CDH3: variants seen among roughly 807,000 people sequenced by gnomAD.
The protein encoded by CDH3 is cadherin 3.
Under a neutral mutation model 82.0 loss-of-function variants are expected in CDH3, and 54 were observed. That is an observed-to-expected ratio of 0.66 (90% CI 0.53 to 0.83). The LOEUF (loss-of-function observed/expected upper bound fraction) is 0.83. CDH3 is among the 40% of genes least tolerant of loss of function. CDH3 has a pLI of 0.00. For synonymous variants in CDH3, 446 were observed against 437.9 expected, an observed-to-expected ratio of 1.02 and a Z score of -0.23; for missense variants, 1,054 against 1,084.6, an observed-to-expected ratio of 0.97 and a Z score of 0.40.
chr16:68,696,148 C>T (rs574937230), intron 15 of CDH3: 29 of 571,928 alleles, frequency 5.1e-5, no homozygotes, highest in Admixed American at 3.3e-4. Context: ...GGGCTGGGCA[C>T]GGTGCCTCAC....
chr16:68,702,581 G>A (rs1961910212), downstream of CDH3, among the ~76,000 whole-genome samples: 1 of 152,096 alleles, frequency 6.6e-6, no homozygotes, highest in Non-Finnish European at 1.5e-5. Context: ...GAAAAGTGGA[G>A]CTTTGGCCAG....
chr16:68,670,421 G>C (rs567057247), intron 2 of CDH3, among the ~76,000 whole-genome samples: 2 of 151,920 alleles, frequency 1.3e-5, no homozygotes, highest in African/African-American at 4.8e-5. Context: ...TAAATGGTGG[G>C]TAATGGTCTG....
At chr16:68,685,125 G>T (rs992834545) in intron 10 of CDH3, 80 bp from the exon 11 acceptor site, 3 of 1,524,378 alleles carry the variant, frequency 2.0e-6, no homozygotes, top group Non-Finnish European at 2.7e-6. Flanking sequence ...CCATCTGCCA[G>T]TTGGTATGAG....
At chr16:68,677,061 ATG>A (rs1344148728) in intron 3 of CDH3, among the ~76,000 whole-genome samples, 2 of 152,170 alleles carry the variant, frequency 1.3e-5, no homozygotes, top group African/African-American at 4.8e-5. Flanking sequence ...CTATACTTAC[ATG>A]TGTTACATAT....
intron 3 of CDH3, among the ~76,000 whole-genome samples, chr16:68,677,725 G>C (rs577004385): frequency 1.3e-5 from 2 of 152,276 alleles, no homozygotes; most frequent in South Asian, 4.1e-4. Flanking sequence ...GTGGCAGAGC[G>C]AGACTCCGTC....
rs780889347 is a variant in CDH3 at position 68,645,627 on chromosome 16, C to A, written c.46-9C>A. On this transcript the variant is annotated splice_polypyrimidine_tract_variant and intron_variant, in intron 1 of 15. Coordinates refer to ENST00000264012, the MANE Select transcript of CDH3 (RefSeq NM_001793.6). ...CCCAGCCTCCTTCACTCTCTGCCCT[C>A]GGGCGCAGGTTTGCTGGCTGCAGTG... is the stretch of plus-strand genomic sequence containing the variant. 7 of 1,539,730 alleles carry A rather than the reference C, an allele frequency of 4.5e-6. No homozygotes were observed. In the African/African-American group the frequency reaches 8.2e-5, roughly 18 times the overall value.
At chr16:68,670,988 G>A (rs193192433) in intron 2 of CDH3, among the ~76,000 whole-genome samples, 5 of 152,198 alleles carry the variant, frequency 3.3e-5, no homozygotes, top group Middle Eastern at 3.4e-3. Context: ...CAAGAGAATC[G>A]CTTGAGCCCG....
intron 2 of CDH3, among the ~76,000 whole-genome samples, chr16:68,671,375 T>C (rs1440276575): frequency 2.0e-5 from 3 of 152,090 alleles, no homozygotes; most frequent in African/African-American, 4.8e-5. Context: ...TATTTTCTTA[T>C]AGTTCTGGCT....
intron 2 of CDH3, among the ~76,000 whole-genome samples, chr16:68,662,827 T>TGAGCCC (rs1181746768): frequency 1.3e-5 from 2 of 149,336 alleles, no homozygotes; most frequent in Non-Finnish European, 3.0e-5. Context: ...ATTACAGGTG[T>TGAGCCC]GAGCCACCGT....
downstream of CDH3, among the ~76,000 whole-genome samples, chr16:68,703,238 A>G (rs1365074630): frequency 6.6e-6 from 1 of 152,090 alleles, no homozygotes; most frequent in Non-Finnish European, 1.5e-5. Context: ...GCATGCTCTC[A>G]TTCCTAGACA....
chr16:68,671,613 C>T (rs1960886034), intron 2 of CDH3, among the ~76,000 whole-genome samples: 1 of 149,774 alleles, frequency 6.7e-6, no homozygotes, highest in Non-Finnish European at 1.5e-5. Context: ...CCTCTGTCTC[C>T]TGGGTTCAAG....
chr16:68,688,436 A>C (rs1961476926), intron 12 of CDH3, among the ~76,000 whole-genome samples: 1 of 151,936 alleles, frequency 6.6e-6, no homozygotes, highest in Non-Finnish European at 1.5e-5. Flanking sequence ...AAAAATACAA[A>C]AATTAGCCAG....
At chr16:68,719,043 G>A (rs561485436) in intron 1 of CDH3, among the ~76,000 whole-genome samples, 1 of 152,152 alleles carries the variant, frequency 6.6e-6, no homozygotes, top group East Asian at 1.9e-4. Flanking sequence ...AGCAGTTCAA[G>A]ACCAGCCTAG....
At chr16:68,664,546 C>T (rs1960684106) in intron 2 of CDH3, among the ~76,000 whole-genome samples, 1 of 152,154 alleles carries the variant, frequency 6.6e-6, no homozygotes, top group Admixed American at 6.5e-5. Context: ...ATTCTATCAG[C>T]TATGTTTGGG....
At chr16:68,682,716 A>G (rs1228139206) in intron 9 of CDH3, among the ~76,000 whole-genome samples, 3 of 152,170 alleles carry the variant, frequency 2.0e-5, no homozygotes, top group African/African-American at 4.8e-5. Context: ...ATTGAAGCAC[A>G]TCAGTGGAGC....
chr16:68,690,050 C>T (rs1257702526), intron 12 of CDH3, among the ~76,000 whole-genome samples: 1 of 152,206 alleles, frequency 6.6e-6, no homozygotes, highest in Non-Finnish European at 1.5e-5. Context: ...TCGTCACCCA[C>T]ACACATAGCC....
At chr16:68,661,667 G>A (rs1306593590) in intron 2 of CDH3, among the ~76,000 whole-genome samples, 1 of 152,156 alleles carries the variant, frequency 6.6e-6, no homozygotes, top group Admixed American at 6.6e-5. Flanking sequence ...GGGGAGATAG[G>A]CAATTAAATA....
chr16:68,672,630 C>G (rs147770118), intron 2 of CDH3, among the ~76,000 whole-genome samples: 20 of 152,178 alleles, frequency 1.3e-4, no homozygotes, highest in Non-Finnish European at 2.8e-4. Flanking sequence ...GATCTCCTTT[C>G]CCCTTCCTCC....
In CDH3 at chr16:68,707,183, GT is replaced by G. The variant is rs553959023; in HGVS notation, c.99+11263del. ...ATGGCAAGGGCTAAGGGTTTAGCAGGTTTCAGCAGGGTTTAGCAGGGAGGCC... is the reference window on the plus strand; with the variant it reads ...ATGGCAAGGGCTAAGGGTTTAGCAGGTTCAGCAGGGTTTAGCAGGGAGGCC... On this transcript the variant is annotated intron_variant, in intron 1 of 2. Coordinates refer to the CDH3 transcript ENST00000569080. This position sits in a 1 kb window ranked among gnomAD's most constrained non-coding sequence, Gnocchi z 4.5. 2.4e-3 allele frequency among the ~76,000 whole-genome samples: 368 copies of G among 152,324 alleles called. No individual in the cohort carries two copies. Among genetic ancestry groups the G allele is most frequent in the Middle Eastern group, 6.8e-3 (2 of 294 alleles).
Sources: allele counts gnomAD v4.1 joint callset (sites outside exome capture counted in the v4.1 genomes callset), GRCh38; gene constraint gnomAD v4.1.1; non-coding constraint Gnocchi (gnomAD v3.1); transcripts MANE v1.5; gene names NCBI Gene and HGNC (gene_info 2026-07-23, HGNC 2026-07-21).